The following TUBB1 variants were observed in gnomAD, a reference collection of about 807,000 sequenced individuals.
The protein encoded by TUBB1 is tubulin beta 1 class VI.
Under a neutral mutation model 22.6 loss-of-function variants are expected in TUBB1, and 28 were observed. That is an observed-to-expected ratio of 1.24 (90% CI 0.92 to 1.70). The LOEUF is 1.70. Among genes scored for constraint, TUBB1 ranks in the 40% most tolerant of loss-of-function variants. TUBB1 has a pLI of 0.00. For missense variants in TUBB1, 577 were observed against 605.5 expected, an observed-to-expected ratio of 0.95 and a Z score of 0.49; for synonymous variants, 226 against 238.0, an observed-to-expected ratio of 0.95 and a Z score of 0.46.
chr20:59,017,502 T>C (rs914395041), upstream of TUBB1, among the ~76,000 whole-genome samples: 3 of 152,214 alleles, frequency 2.0e-5, no homozygotes, highest in African/African-American at 7.2e-5. Flanking sequence ...GCAGAAGCGA[T>C]TTCCCCCAGA....
intron 1 of TUBB1, 51 bp from the exon 2 acceptor site, chr20:59,022,794 A>G: frequency 6.4e-7 from 1 of 1,554,586 alleles, no homozygotes; most frequent in Admixed American, 1.7e-5. Flanking sequence ...CTCTGTGGTT[A>G]ACACAGCCTT....
chr20:59,019,824 G>A (rs1184549380), intron 1 of TUBB1, among the ~76,000 whole-genome samples: 1 of 152,018 alleles, frequency 6.6e-6, no homozygotes, highest in Non-Finnish European at 1.5e-5. Context: ...TTTAATTAAT[G>A]TTAATTTTAT....
At position 59,024,225 on chromosome 20, in the gene TUBB1, T is replaced by C. The variant is rs2091982253; in HGVS notation, c.798T>C (p.Phe266=). The C allele has an allele frequency of 7.4e-6, 12 of 1,614,098 alleles. No individual in the cohort carries two copies. In the East Asian group the frequency reaches 2.5e-4, roughly 33 times the overall value. Residue 266 remains phenylalanine (F), a synonymous_variant, in exon 4 of 4, where the codon TTT becomes TTC. Coordinates refer to ENST00000217133, the MANE Select transcript of TUBB1 (RefSeq NM_030773.4). The surrounding 1 kb of genome is among the most constrained non-coding windows in gnomAD (Gnocchi z 4.9). ...TCCCCTTCCCCCGCCTGCACTTCTT[T>C]ATGCCCGGCTTTGCCCCACTCACGG... ...NMVPFPRLHF[F]MPGFAPLTAQ... is the part of the protein sequence containing the mutation.
At position 59,025,877 on chromosome 20, in the gene TUBB1, C is replaced by G. The variant is rs780122967; in HGVS notation, c.*1094C>G. 1.2e-4 allele frequency: 18 copies of G among 152,218 alleles called. No homozygotes were observed. The highest frequency in any genetic ancestry group is 2.5e-4 in the Non-Finnish European group (17 of 68,036). 9.4% of individuals were successfully genotyped at this position (152,218 alleles called of 1,614,324 possible). A position where few individuals can be genotyped will look rare whatever the true frequency, so the allele number is the denominator to read the frequency against. On this transcript the variant is annotated 3_prime_UTR_variant, in exon 4 of 4. Transcript: ENST00000217133. ...TGATTTTAATCTGCTCACATTATAA[C>G]AGGACCAAATACACAAGAGCGTAAT... is the stretch of plus-strand genomic sequence containing the variant.
Position 59,022,855 on chromosome 20 carries a change from TGATTGGTGAG to T in TUBB1, c.71_80del (p.Ile24AsnfsTer42). ...TCCTCCTGCTTTCAGTTCTGGGAGA[TGATTGGTGAG>T]GAACACGGGATCGACTTGGCTGGGA... On this transcript the variant is annotated frameshift_variant, in exon 2 of 4. Coordinates refer to ENST00000217133, the MANE Select transcript of TUBB1 (RefSeq NM_030773.4). LOFTEE classifies it high-confidence loss of function. 2 of 1,614,092 alleles carry T rather than the reference TGATTGGTGAG, an allele frequency of 1.2e-6. No individual in the cohort carries two copies. The highest frequency in any genetic ancestry group is 1.7e-6 in the Non-Finnish European group (2 of 1,180,020).
upstream of TUBB1, chr20:59,019,287 C>T: frequency 1.7e-6 from 1 of 598,884 alleles, no homozygotes; most frequent in South Asian, 1.9e-5. Flanking sequence ...AGGAAAAACA[C>T]TCCCTTCCAA....
In TUBB1 at chr20:59,021,262, G is replaced by A. The variant is rs79189281; in HGVS notation, c.58-1583G>A. Among the ~76,000 whole-genome samples the A allele has an allele frequency of 9.6e-3, 1,459 of 152,320 alleles. 14 individuals carry two copies. The highest frequency in any genetic ancestry group is 0.037 in the Middle Eastern group (11 of 294). ...GGGTTTTAGCTCTCACTCTGGAATC[G>A]TATGGTCTAGCGTTGAGAGTCCTGG... On this transcript the variant is annotated intron_variant, in intron 1 of 3. Coordinates refer to ENST00000217133, the MANE Select transcript of TUBB1 (RefSeq NM_030773.4).
rs577942311 is a variant in TUBB1, at chr20:59,024,542, C to T, written c.1115C>T (p.Thr372Met). ...SMAATFIGNN[T>M]AIQEIFNRVS... ...GCCGCCACCTTCATTGGCAACAACA[C>T]GGCCATCCAAGAGATCTTTAATAGG... is the stretch of plus-strand genomic sequence containing the variant. Residue 372 changes from threonine to methionine, a missense_variant, in exon 4 of 4, where the codon ACG becomes ATG. By Grantham distance (81) the Thr-to-Met change is moderately conservative (BLOSUM62 -1). Coordinates refer to ENST00000217133, the MANE Select transcript of TUBB1 (RefSeq NM_030773.4). The surrounding 1 kb of genome is among the most constrained non-coding windows in gnomAD (Gnocchi z 4.9). 12 of 1,614,216 alleles carry T rather than the reference C, an allele frequency of 7.4e-6. No individual in the cohort carries two copies. The highest frequency in any genetic ancestry group is 2.2e-5 in the South Asian group (2 of 91,086).
Position 59,022,954 on chromosome 20 carries a change from G to C in TUBB1, c.166+1G>C. On this transcript the variant is annotated splice_donor_variant, in intron 2 of 3. Transcript: ENST00000217133. LOFTEE classifies it high-confidence loss of function. ...AGCGTGTACTACAACGAAGCCTACG[G>C]TAGGACTGGCGGGGCTCTGGGAGCA... 2 of 1,613,464 alleles carry C rather than the reference G, an allele frequency of 1.2e-6. No homozygotes were observed. Among genetic ancestry groups the C allele is most frequent in the Non-Finnish European group, 1.7e-6 (2 of 1,179,672 alleles).
At chr20:59,018,511 G>A (rs1044782669), upstream of TUBB1, among the ~76,000 whole-genome samples, 1 of 151,844 alleles carries the variant, frequency 6.6e-6, no homozygotes, top group African/African-American at 2.4e-5. Flanking sequence ...AGGTTCAAGC[G>A]ATTCTCCTGC....
In TUBB1 at chr20:59,024,545, C is replaced by T; in HGVS notation, c.1118C>T (p.Ala373Val). Residue 373 changes from alanine (A) to valine (V), a missense_variant, in exon 4 of 4, where the codon GCC (alanine) becomes GTC (valine). Coordinates refer to ENST00000217133, the MANE Select transcript of TUBB1 (RefSeq NM_030773.4). The surrounding 1 kb of genome is among the most constrained non-coding windows in gnomAD (Gnocchi z 4.9). ...MAATFIGNNT[A>V]IQEIFNRVSE... ...GCCACCTTCATTGGCAACAACACGG[C>T]CATCCAAGAGATCTTTAATAGGGTC... 7 of 1,614,226 alleles carry T rather than the reference C, an allele frequency of 4.3e-6. No homozygotes were observed. The highest frequency in any genetic ancestry group is 5.9e-6 in the Non-Finnish European group (7 of 1,180,050).
At position 59,023,574 on chromosome 20, in the gene TUBB1, T is replaced by C; in HGVS notation, c.251T>C (p.Leu84Pro). 6.2e-7 allele frequency: 1 copy of C among 1,614,214 alleles called. No homozygotes were observed. The highest frequency in any genetic ancestry group is 1.7e-5 in the Admixed American group (1 of 60,030). The stretch of plus-strand genomic sequence containing the variant: ...ATTCGATCTAGCAAATTAGGAGCTC[T>C]CTTTCAACCCGACAGTTTTGTCCAT... Reference protein sequence around the residue: ...DSIRSSKLGALFQPDSFVHGN... With the variant: ...DSIRSSKLGAPFQPDSFVHGN... Residue 84 changes from leucine to proline, a missense_variant, in exon 3 of 4, where the codon CTC becomes CCC. By Grantham distance (98) the Leu-to-Pro change is moderately conservative. Transcript: ENST00000217133.
chr20:59,020,784 C>T (rs944591226), intron 1 of TUBB1, among the ~76,000 whole-genome samples: 1 of 151,802 alleles, frequency 6.6e-6, no homozygotes, highest in East Asian at 1.9e-4. Context: ...TTAAAAATTT[C>T]CCCCAAGTAC....
upstream of TUBB1, among the ~76,000 whole-genome samples, chr20:59,017,205 C>G (rs533659898): frequency 6.6e-6 from 1 of 152,314 alleles, no homozygotes; most frequent in Admixed American, 6.5e-5. Context: ...AACACTGATA[C>G]AATACTATTT....
Position 59,025,938 on chromosome 20 carries a change from A to G in TUBB1, c.*1155A>G, listed in dbSNP as rs1319314802. The G allele has an allele frequency of 6.6e-6, 1 of 152,224 alleles. No homozygotes were observed. The highest frequency in any genetic ancestry group is 1.9e-4 in the East Asian group (1 of 5,202). The allele number at this position is 152,224 out of a possible 1,614,324, so 9.4% of individuals were successfully genotyped here. On this transcript the variant is annotated 3_prime_UTR_variant, in exon 4 of 4. Transcript: ENST00000217133. ...GTAACTTCTTAATTACAGTTTACCT[A>G]TTTCTGACATGCAGCACTGCCATCT... is the stretch of plus-strand genomic sequence containing the variant.
rs1025493211 is a variant in TUBB1, at chr20:59,024,517, G to A, written c.1090G>A (p.Ala364Thr). ...CDIPPRGLSMAATFIGNNTAI... is the reference protein window; with the variant it reads ...CDIPPRGLSMTATFIGNNTAI... ...CATCCCGCCCCGGGGGCTGAGCATGGCCGCCACCTTCATTGGCAACAACAC... is the reference window on the plus strand; with the variant it reads ...CATCCCGCCCCGGGGGCTGAGCATGACCGCCACCTTCATTGGCAACAACAC... The change falls in exon 4 of 4, where the codon GCC becomes ACC. Residue 364 changes from alanine to threonine, a missense_variant. Transcript: ENST00000217133. This position sits in a 1 kb window ranked among gnomAD's most constrained non-coding sequence, Gnocchi z 4.9. 4.3e-6 allele frequency: 7 copies of A among 1,614,070 alleles called. No individual in the cohort carries two copies. Among genetic ancestry groups the A allele is most frequent in the African/African-American group, 1.3e-5 (1 of 74,918 alleles).
chr20:59,019,672 A>C (rs568303324), intron 1 of TUBB1, 93 bp downstream of exon 1: 8 of 1,304,742 alleles, frequency 6.1e-6, no homozygotes, highest in African/African-American at 5.8e-5. Context: ...GAAGACAATA[A>C]GTCTAGCAGA....
In TUBB1 at chr20:59,024,408, C is replaced by G. The variant is rs1313340375; in HGVS notation, c.981C>G (p.Asp327Glu). ...FRGKMSTKEV[D>E]QQLLSVQTRN... ...GCAAGATGTCCACCAAGGAAGTGGA[C>G]CAGCAACTGCTCTCCGTGCAGACCA... is the stretch of plus-strand genomic sequence containing the variant. Residue 327 changes from aspartate to glutamate, a missense_variant, in exon 4 of 4, where the codon GAC becomes GAG. Coordinates refer to ENST00000217133, the MANE Select transcript of TUBB1 (RefSeq NM_030773.4). The surrounding 1 kb of genome is among the most constrained non-coding windows in gnomAD (Gnocchi z 4.9). 1.2e-6 allele frequency: 2 copies of G among 1,614,214 alleles called. No individual in the cohort carries two copies. The highest frequency in any genetic ancestry group is 3.3e-5 in the Admixed American group (2 of 60,028).
upstream of TUBB1, chr20:59,019,262 AT>A: frequency 1.8e-6 from 1 of 561,794 alleles, no homozygotes; most frequent in South Asian, 2.0e-5. Flanking sequence ...ATGGGGCAGT[AT>A]TCTGTGTTGA....
Sources: allele counts gnomAD v4.1 joint callset (sites outside exome capture counted in the v4.1 genomes callset), GRCh38; gene constraint gnomAD v4.1.1; non-coding constraint Gnocchi (gnomAD v3.1); transcripts MANE v1.5; gene names NCBI Gene and HGNC (gene_info 2026-07-23, HGNC 2026-07-21).